GRM8: variants seen among roughly 807,000 people sequenced by gnomAD.
GRM8 encodes the protein glutamate metabotropic receptor 8.
In GRM8, 47 loss-of-function variants were observed where a neutral mutation model predicts 87.2. That is an observed-to-expected ratio of 0.54 (90% CI 0.43 to 0.69). The LOEUF (loss-of-function observed/expected upper bound fraction) is 0.69, where lower values mean the gene tolerates loss of function less well. Ranked by LOEUF, GRM8 falls within the 30% of genes least tolerant of loss-of-function variation. The pLI is 0.00. For synonymous variants in GRM8, 396 were observed against 404.5 expected (o/e 0.98, Z 0.25); for missense variants, 1,019 against 1,139.2 (o/e 0.89, Z 1.52).
rs190714535 is a variant in GRM8, at chr7:126,596,675, C to T, written c.1494+12687G>A. On this transcript the variant is annotated intron_variant, in intron 8 of 10. Transcript: ENST00000339582. ...TGTATGTTTACTGTGGTAGCACATA[C>T]GCAGATATAAATGGTTAACAAAATA... 1.3e-3 allele frequency among the ~76,000 whole-genome samples: 203 copies of T among 152,182 alleles called. 2 individuals carry two copies. Among genetic ancestry groups the T allele is most frequent in the African/African-American group, 3.4e-3 (143 of 41,542 alleles).
At chr7:126,976,306 A>G (rs1423269256) in intron 3 of GRM8, among the ~76,000 whole-genome samples, 3 of 152,240 alleles carry the variant, frequency 2.0e-5, no homozygotes, top group Non-Finnish European at 4.4e-5. Context: ...TGGAACATAC[A>G]AAGTATTGGC....
intron 8 of GRM8, among the ~76,000 whole-genome samples, chr7:126,574,925 G>C (rs1383097791): frequency 6.6e-6 from 1 of 152,266 alleles, no homozygotes; most frequent in East Asian, 1.9e-4. Flanking sequence ...GGCAAGGGTA[G>C]TATAACATGA....
At chr7:126,597,698 C>T (rs767714564) in intron 8 of GRM8, among the ~76,000 whole-genome samples, 21 of 152,152 alleles carry the variant, frequency 1.4e-4, no homozygotes, top group Non-Finnish European at 2.5e-4. Context: ...GGTATAAAAA[C>T]ACATTTCTTG....
intron 7 of GRM8, among the ~76,000 whole-genome samples, chr7:126,714,942 G>A (rs1026505806): frequency 1.3e-5 from 2 of 152,014 alleles, no homozygotes; most frequent in Non-Finnish European, 2.9e-5. Flanking sequence ...TGTATTTATC[G>A]ATATCATAAG....
chr7:126,601,893 T>C (rs1291922953), intron 8 of GRM8, among the ~76,000 whole-genome samples: 9 of 141,618 alleles, frequency 6.4e-5, no homozygotes, highest in East Asian at 2.1e-4. Context: ...GCCTGTTCAC[T>C]CTGATGGTAG....
At chr7:126,972,526 CT>C (rs1563368275) in intron 3 of GRM8, among the ~76,000 whole-genome samples, 2 of 151,450 alleles carry the variant, frequency 1.3e-5, no homozygotes, top group Non-Finnish European at 2.9e-5. Flanking sequence ...CAAGCAGGTT[CT>C]TTATTTTTTC....
At chr7:126,971,008 C>T (rs887010395) in intron 3 of GRM8, among the ~76,000 whole-genome samples, 2 of 151,712 alleles carry the variant, frequency 1.3e-5, no homozygotes, top group African/African-American at 4.8e-5. Context: ...TCAAAGATCA[C>T]CATAACAGAT....
intron 6 of GRM8, among the ~76,000 whole-genome samples, chr7:126,808,792 G>T (rs1389985823): frequency 1.3e-5 from 2 of 152,120 alleles, no homozygotes; most frequent in East Asian, 3.8e-4. Context: ...AGGTTCCAGA[G>T]TCCTCCTCTA....
chr7:126,817,404 G>A (rs1188782910), intron 6 of GRM8, among the ~76,000 whole-genome samples: 1 of 152,012 alleles, frequency 6.6e-6, no homozygotes, highest in East Asian at 1.9e-4. Flanking sequence ...ATGATACTAT[G>A]GAGAATATGC....
At chr7:127,103,810 T>C (rs749802836) in intron 3 of GRM8, among the ~76,000 whole-genome samples, 8 of 152,164 alleles carry the variant, frequency 5.3e-5, no homozygotes, top group African/African-American at 1.7e-4. Flanking sequence ...GATGACACTA[T>C]AACAGCTGGG....
rs762951215 is a variant in GRM8 at position 126,446,166 on chromosome 7, G to A, written c.2637C>T (p.Gly879=). 41 of 1,612,214 alleles carry A rather than the reference G, an allele frequency of 2.5e-5. 1 individual carries two copies. Among genetic ancestry groups the A allele is most frequent in the South Asian group, 1.1e-5 (1 of 91,062 alleles). Residue 879 remains glycine, a synonymous_variant, in exon 10 of 11, where the codon GGC becomes GGT. Transcript: ENST00000339582. ...LIQKGNDRPN[G]EVKSELCESL... is the part of the protein sequence containing the mutation. ...TCTCACAGAGTTCACTTTTCACCTC[G>A]CCATTTGGTCTGTCATTTCCTTTTT...
chr7:126,753,227 A>C (rs1367610820), intron 7 of GRM8, among the ~76,000 whole-genome samples: 1 of 151,968 alleles, frequency 6.6e-6, no homozygotes, highest in Non-Finnish European at 1.5e-5. Flanking sequence ...CTACCTAGTT[A>C]AGTGGTAGAG....
intron 6 of GRM8, among the ~76,000 whole-genome samples, chr7:126,854,049 G>T (rs779129012): frequency 1.3e-5 from 2 of 152,126 alleles, no homozygotes; most frequent in Non-Finnish European, 2.9e-5. Flanking sequence ...GTGGGGTGTG[G>T]ATGCTTCCCA....
chr7:126,675,167 A>G (rs1410922273), intron 7 of GRM8, among the ~76,000 whole-genome samples: 1 of 152,186 alleles, frequency 6.6e-6, no homozygotes, highest in Non-Finnish European at 1.5e-5. Context: ...AAACATTAGC[A>G]ACATTTAGAT....
chr7:127,075,976 T>C (rs1328244793), intron 3 of GRM8: 1 of 357,534 alleles, frequency 2.8e-6, no homozygotes, highest in South Asian at 2.2e-5. Context: ...AGTGCTACAA[T>C]GTTTAATGAA....
chr7:127,109,462 T>C (rs1826144462), intron 2 of GRM8, among the ~76,000 whole-genome samples: 1 of 152,164 alleles, frequency 6.6e-6, no homozygotes, highest in Admixed American at 6.5e-5. Flanking sequence ...CTGTACCTTC[T>C]CTCCATATTC....
chr7:126,818,334 A>C (rs1403155193), intron 6 of GRM8, among the ~76,000 whole-genome samples: 1 of 152,168 alleles, frequency 6.6e-6, no homozygotes, highest in African/African-American at 2.4e-5. Flanking sequence ...AAACCCGTTA[A>C]ATCTAAATTT....
chr7:126,928,917 A>G (rs1226891630), intron 3 of GRM8, among the ~76,000 whole-genome samples: 2 of 152,186 alleles, frequency 1.3e-5, no homozygotes, highest in Non-Finnish European at 2.9e-5. Flanking sequence ...CTCAGGTCCA[A>G]TCTGGCTGTA....
chr7:126,909,483 T>C (rs1306422245), intron 3 of GRM8, among the ~76,000 whole-genome samples: 1 of 152,086 alleles, frequency 6.6e-6, no homozygotes, highest in Non-Finnish European at 1.5e-5. Context: ...TTACTAATTG[T>C]GTACAATTTA....
Sources: gnomAD v4.1 joint callset for allele counts (sites outside exome capture counted in the v4.1 genomes callset) on GRCh38, gnomAD v4.1.1 for gene constraint, MANE v1.5 for transcripts, NCBI Gene and HGNC (gene_info 2026-07-23, HGNC 2026-07-21) for gene names.